Variants in ERCC2 observed in about 807,000 individuals in gnomAD.
ERCC2 encodes the protein general transcription and DNA repair factor IIH helicase subunit XPD.
In ERCC2, 90 loss-of-function variants were observed where a neutral mutation model predicts 99.4. The observed-to-expected ratio is 0.91, with a 90% CI of 0.76 to 1.08. The LOEUF is 1.08. Ranked by LOEUF, ERCC2 falls within the 50% of genes least tolerant of loss-of-function variation. The pLI is 0.00. For synonymous variants in ERCC2, 497 were observed against 432.4 expected, an observed-to-expected ratio of 1.15 and a Z score of -1.85; for missense variants, 993 against 1,038.1, an observed-to-expected ratio of 0.96 and a Z score of 0.60.
rs1599745310 is a variant in ERCC2 at position 45,365,058 on chromosome 19, T to C, written c.461A>G (p.His154Arg). The change falls in exon 6 of 23, where the codon CAC (histidine) becomes CGC (arginine). Residue 154 changes from histidine (H) to arginine (R), a missense_variant. His to Arg is a conservative substitution (Grantham distance 29). Transcript: ENST00000391945. ...TCCAGTAACCTCATAGAATCGGCAGTGGGGCAGGCTGGTGTCATGCTGGTA... is the reference window on the plus strand; with the variant it reads ...TCCAGTAACCTCATAGAATCGGCAGCGGGGCAGGCTGGTGTCATGCTGGTA... The part of the protein sequence containing the change: ...AQYQHDTSLP[H>R]CRFYEEFDAH... 6.2e-7 allele frequency: 1 copy of C among 1,613,880 alleles called. No homozygotes were observed. Among genetic ancestry groups the C allele is most frequent in the South Asian group, 1.1e-5 (1 of 91,060 alleles).
rs1972176361 is a variant in ERCC2, at chr19:45,360,377, C to T, written c.1237+1147G>A. ...GATTACAGGCGTAAACCACCACGCC[C>T]GGCCTTTTTTTTTTTTTTGAGACGA... On this transcript the variant is annotated intron_variant, in intron 12 of 22. Coordinates refer to ENST00000391945, the MANE Select transcript of ERCC2 (RefSeq NM_000400.4). Among the ~76,000 whole-genome samples, 5 of 111,330 alleles carry T rather than the reference C, an allele frequency of 4.5e-5. No homozygotes were observed. In the South Asian group the frequency reaches 1.5e-3, roughly 34 times the overall value. The allele number at this position is 111,330 out of a possible 152,430, so 73.0% of individuals were successfully genotyped here. A position where few individuals can be genotyped will look rare whatever the true frequency, so the allele number is the denominator to read the frequency against.
intron 6 of ERCC2, 30 bp from the exon 7 acceptor site, chr19:45,364,984 G>A (rs1210741503): frequency 6.2e-7 from 1 of 1,606,764 alleles, no homozygotes; most frequent in Admixed American, 1.7e-5. Context: ...GGTCAGGGAG[G>A]CTGCCTGCCC....
chr19:45,363,086 T>C lies in ERCC2; in HGVS notation c.1118+657A>G, dbSNP rs144266363. Among the ~76,000 whole-genome samples, 72 of 152,234 alleles carry C rather than the reference T, an allele frequency of 4.7e-4. No individual in the cohort carries two copies. The East Asian group carries it at 0.012, about 26-fold the overall frequency. On this transcript the variant is annotated intron_variant, in intron 11 of 22. Transcript: ENST00000391945. ...TAAAGACCCGACTCCTTGGCCATTT[T>C]ACAAAGGAGGAAACTGCAGTTCAAA...
At position 45,350,060 on chromosome 19, in the gene ERCC2, C is replaced by T. The variant is rs562840303; in HGVS notation, c.*1569G>A. On this transcript the variant is annotated 3_prime_UTR_variant, in exon 23 of 23. Transcript: ENST00000391945. ...CCATCCCCAGGGCAGGAAGTAAGGC[C>T]GAGCTCCAAACCCACTCTGCCCCAG... 4.8e-5 allele frequency: 23 copies of T among 478,922 alleles called. No individual in the cohort carries two copies. The highest frequency in any genetic ancestry group is 2.6e-4 in the South Asian group (10 of 38,216). The allele number at this position is 478,922 out of a possible 1,614,324, so 29.7% of individuals were successfully genotyped here.
chr19:45,357,215 C>T (rs956509973), intron 15 of ERCC2, 55 bp downstream of exon 15: 31 of 1,282,058 alleles, frequency 2.4e-5, no homozygotes, highest in African/African-American at 2.1e-4. Flanking sequence ...GGAAGGAGGG[C>T]GGCCCCTTGC....
chr19:45,357,202 C>CA, intron 15 of ERCC2, 68 bp downstream of exon 15: 1 of 1,177,594 alleles, frequency 8.5e-7, no homozygotes, highest in Non-Finnish European at 1.2e-6. Context: ...TGGGGGAAGC[C>CA]AAGGAAGGAG....
At chr19:45,357,772 C>A in intron 12 of ERCC2, 73 bp from the exon 13 acceptor site, 1 of 1,328,892 alleles carries the variant, frequency 7.5e-7, no homozygotes, top group East Asian at 2.4e-5. Context: ...GTCATTCCCT[C>A]TCCTGCTCCC....
At chr19:45,354,560 C>CG (rs879703427) in intron 17 of ERCC2, among the ~76,000 whole-genome samples, 170 bp downstream of exon 17, 1 of 152,120 alleles carries the variant, frequency 6.6e-6, no homozygotes, top group Non-Finnish European at 1.5e-5. Context: ...GTACTGGGGG[C>CG]GGGGCATGGG....
chr19:45,364,780 G>A lies in ERCC2; in HGVS notation c.594+58C>T, dbSNP rs1799786. 0.32 allele frequency: 443,971 copies of A among 1,381,338 alleles called. 76,626 individuals are homozygous for A. The highest frequency in any genetic ancestry group is 0.38 in the Middle Eastern group (2,134 of 5,598). The allele number at this position is 1,381,338 out of a possible 1,614,324, so 85.6% of individuals were successfully genotyped here. A position where few individuals can be genotyped will look rare whatever the true frequency, so the allele number is the denominator to read the frequency against. On this transcript the variant is annotated intron_variant, in intron 7 of 22. Coordinates refer to ENST00000391945, the MANE Select transcript of ERCC2 (RefSeq NM_000400.4). ...AGACAGACATGGGCAGACAGGAGAC[G>A]GGCGGGCAGCCCACACCCTCACACT...
intron 12 of ERCC2, chr19:45,357,970 T>C (rs1006127387): frequency 1.8e-6 from 1 of 549,356 alleles, no homozygotes; most frequent in African/African-American, 1.9e-5. Context: ...CTGCTCACTC[T>C]CCCAGCACCG....
At position 45,361,622 on chromosome 19, in the gene ERCC2, C is replaced by G. The variant is rs752646404; in HGVS notation, c.1139G>C (p.Arg380Pro). 6.2e-6 allele frequency: 10 copies of G among 1,613,564 alleles called. No individual in the cohort carries two copies. Among genetic ancestry groups the G allele is most frequent in the Non-Finnish European group, 8.5e-6 (10 of 1,179,720 alleles). The change falls in exon 12 of 23, where the codon CGG becomes CCG. Residue 380 changes from arginine to proline, a missense_variant. Arg to Pro is a moderately radical substitution (Grantham distance 103, BLOSUM62 -2). This residue lies in a region of ERCC2 where 909 missense variants were observed against 930.8 expected (regional missense o/e 0.98). Transcript: ENST00000391945. Reference sequence around the variant, plus strand: ...GATCTCCAGAGTATGCAGCAGGGACCGGAGGCGTTCAGCACAGAATCTGGC... The same window carrying G: ...GATCTCCAGAGTATGCAGCAGGGACGGGAGGCGTTCAGCACAGAATCTGGC... The part of the protein sequence containing the change: ...KPLRFCAERL[R>P]SLLHTLEITD...
chr19:45,370,511 G>C, intron 1 of ERCC2, 25 bp downstream of exon 1: 1 of 1,575,530 alleles, frequency 6.3e-7, no homozygotes, highest in Non-Finnish European at 8.6e-7. Context: ...CCGCTAGCGA[G>C]CGCGACCCCC....
At chr19:45,370,444 C>T in intron 1 of ERCC2, 92 bp downstream of exon 1, 5 of 1,511,036 alleles carry the variant, frequency 3.3e-6, no homozygotes, top group Non-Finnish European at 3.5e-6. Flanking sequence ...CCTCCCCTCG[C>T]CCCCTTGGGG....
At chr19:45,357,767 T>A in intron 12 of ERCC2, 68 bp from the exon 13 acceptor site, 1 of 1,394,012 alleles carries the variant, frequency 7.2e-7, no homozygotes, top group Non-Finnish European at 1.0e-6. Context: ...ACTCAGTCAT[T>A]CCCTCTCCTG....
intron 16 of ERCC2, among the ~76,000 whole-genome samples, chr19:45,355,097 C>G (rs558869158): frequency 6.6e-6 from 1 of 152,372 alleles, no homozygotes; most frequent in Admixed American, 6.5e-5. Flanking sequence ...TGGCTCACGC[C>G]TGTAATCCCA....
Position 45,353,265 on chromosome 19 carries a change from C to T in ERCC2, c.1735G>A (p.Val579Ile), listed in dbSNP as rs747861061. 1.9e-6 allele frequency: 3 copies of T among 1,614,030 alleles called. No individual in the cohort carries two copies. Among genetic ancestry groups the T allele is most frequent in the Non-Finnish European group, 2.5e-6 (3 of 1,179,976 alleles). The change falls in exon 18 of 23, where the codon GTC becomes ATC. Residue 579 changes from valine (V) to isoleucine (I), a missense_variant. Physicochemically the swap from Val to Ile is conservative, Grantham distance 29 (BLOSUM62 3). Coordinates refer to ENST00000391945, the MANE Select transcript of ERCC2 (RefSeq NM_000400.4). Reference protein sequence around the residue: ...IETQDGAETSVALEKYQEACE... With the variant: ...IETQDGAETSIALEKYQEACE... ...ACCTCCTGGTACTTCTCCAGGGCGA[C>T]ACTGGTTTCGGCACCATCCTGGGTC...
chr19:45,351,794 A>G, intron 22 of ERCC2, 73 bp from the exon 23 acceptor site: 1 of 1,376,572 alleles, frequency 7.3e-7, no homozygotes, highest in Non-Finnish European at 1.0e-6. Context: ...CACTTCCCCA[A>G]CCACCCCCCC....
chr19:45,352,271 C>T lies in ERCC2; in HGVS notation c.2128G>A (p.Val710Met), dbSNP rs141808167. 1.9e-4 allele frequency: 310 copies of T among 1,614,064 alleles called. No individual in the cohort carries two copies. The highest frequency in any genetic ancestry group is 3.0e-4 in the Admixed American group (18 of 60,024). The stretch of plus-strand genomic sequence containing the variant: ...TTGGCCACCTGGACACCCTCGTCCA[C>T]GGTCAGGTTGAGGTTGGCATCTGTG... ...HLTDANLNLTVDEGVQVAKYF... is the reference protein window; with the variant it reads ...HLTDANLNLTMDEGVQVAKYF... Residue 710 changes from valine (V) to methionine (M), a missense_variant, in exon 22 of 23, where the codon GTG becomes ATG. By Grantham distance (21) the Val-to-Met change is conservative (BLOSUM62 1). This residue lies in a region of ERCC2 where 909 missense variants were observed against 930.8 expected (regional missense o/e 0.98). Coordinates refer to ENST00000391945, the MANE Select transcript of ERCC2 (RefSeq NM_000400.4).
intron 16 of ERCC2, among the ~76,000 whole-genome samples, chr19:45,355,364 G>A (rs985475031): frequency 6.6e-6 from 1 of 152,064 alleles, no homozygotes; most frequent in Non-Finnish European, 1.5e-5. Context: ...CTCAAAAAAA[G>A]GCCATGTGTC....
Sources: allele counts gnomAD v4.1 joint callset (sites outside exome capture counted in the v4.1 genomes callset), GRCh38; gene constraint gnomAD v4.1.1; regional missense constraint gnomAD v4.1.1; transcripts MANE v1.5; gene names NCBI Gene and HGNC (gene_info 2026-07-23, HGNC 2026-07-21).